Variants in TMC1 observed in about 807,000 individuals in gnomAD.
The protein encoded by TMC1 is transmembrane channel like 1.
In TMC1, 84 loss-of-function variants were observed where a neutral mutation model predicts 105.8. The observed-to-expected ratio is 0.79, with a 90% CI of 0.67 to 0.95. TMC1 has a LOEUF of 0.95. Ranked by LOEUF, TMC1 falls within the 40% of genes least tolerant of loss-of-function variation. The pLI is 0.00. For synonymous variants in TMC1, 315 were observed against 311.5 expected, an observed-to-expected ratio of 1.01 and a Z score of -0.12; for missense variants, 817 against 914.1, an observed-to-expected ratio of 0.89 and a Z score of 1.37.
chr9:72,713,682 G>T (rs1478082848), intron 8 of TMC1, among the ~76,000 whole-genome samples: 1 of 149,208 alleles, frequency 6.7e-6, no homozygotes, highest in Non-Finnish European at 1.5e-5. Context: ...TATTAGTCTG[G>T]CTAGTTGTTG....
chr9:72,793,098 G>T (rs1008946400), intron 17 of TMC1, among the ~76,000 whole-genome samples: 29 of 152,160 alleles, frequency 1.9e-4, no homozygotes, highest in South Asian at 4.1e-4. Context: ...CCGACACACA[G>T]AGCTATGTGG....
intron 5 of TMC1, among the ~76,000 whole-genome samples, chr9:72,652,864 T>C (rs916896190): frequency 6.6e-6 from 1 of 152,204 alleles, no homozygotes; most frequent in Non-Finnish European, 1.5e-5. Flanking sequence ...AAACTTTGAA[T>C]TGACATACAA....
rs746139922 is a variant in TMC1, at chr9:72,830,615, A to AT, written c.2209-10dup. 42 of 1,613,028 alleles carry AT rather than the reference A, an allele frequency of 2.6e-5. No individual in the cohort carries two copies. The highest frequency in any genetic ancestry group is 2.1e-5 in the Non-Finnish European group (25 of 1,179,488). ...CTGAGAAATCTACTTTTTTCCCCTT[A>AT]TTTTTTATTGTGTAGCAAGCTTTGG... On this transcript the variant is annotated splice_polypyrimidine_tract_variant and intron_variant, in intron 22 of 23. Transcript: ENST00000297784.
intron 12 of TMC1, among the ~76,000 whole-genome samples, chr9:72,762,849 G>T (rs1274045982): frequency 6.6e-6 from 1 of 152,052 alleles, no homozygotes; most frequent in African/African-American, 2.4e-5. Flanking sequence ...GTCCAGTGTG[G>T]GTCTCTTTGG....
At chr9:72,536,748 G>T (rs1474104268) in intron 1 of TMC1, among the ~76,000 whole-genome samples, 3 of 152,200 alleles carry the variant, frequency 2.0e-5, no homozygotes, top group Non-Finnish European at 4.4e-5. Context: ...CTTTGGCTTT[G>T]CTGGGTGCAG....
intron 5 of TMC1, among the ~76,000 whole-genome samples, chr9:72,685,153 C>A (rs1445457901): frequency 1.5e-5 from 2 of 135,270 alleles, no homozygotes; most frequent in African/African-American, 2.9e-5. Context: ...TTCGCCCAGG[C>A]CAGAGTGCAG....
intron 13 of TMC1, among the ~76,000 whole-genome samples, chr9:72,783,256 A>C (rs1204938133): frequency 6.6e-6 from 1 of 152,134 alleles, no homozygotes; most frequent in African/African-American, 2.4e-5. Flanking sequence ...GAAGAAGCCA[A>C]GAGTGGCTCA....
At chr9:72,672,318 T>C (rs1284469313) in intron 5 of TMC1, among the ~76,000 whole-genome samples, 1 of 152,180 alleles carries the variant, frequency 6.6e-6, no homozygotes. Flanking sequence ...ACTTTGTTTT[T>C]TTAATGAAAT....
intron 13 of TMC1, among the ~76,000 whole-genome samples, chr9:72,775,231 C>G (rs1316667537): frequency 6.6e-6 from 1 of 151,630 alleles, no homozygotes; most frequent in East Asian, 1.9e-4. Context: ...TTTCTTCTTC[C>G]TCCCTTCATT....
chr9:72,597,741 C>T (rs139572147), intron 2 of TMC1, among the ~76,000 whole-genome samples: 2 of 152,146 alleles, frequency 1.3e-5, no homozygotes, highest in African/African-American at 4.8e-5. Flanking sequence ...CAATAACAAC[C>T]GCGTACTAAT....
chr9:72,816,347 T>C, intron 19 of TMC1, 137 bp downstream of exon 19: 1 of 774,546 alleles, frequency 1.3e-6, no homozygotes, highest in Non-Finnish European at 2.2e-6. Flanking sequence ...AGTGGATGCC[T>C]GTATATAGTT....
intron 2 of TMC1, among the ~76,000 whole-genome samples, chr9:72,602,883 A>G (rs1824841935): frequency 6.6e-6 from 1 of 152,168 alleles, no homozygotes; most frequent in Admixed American, 6.5e-5. Flanking sequence ...AAACCTGCTG[A>G]CTCATAACAA....
chr9:72,598,389 C>T (rs559891134), intron 2 of TMC1, among the ~76,000 whole-genome samples: 6 of 152,090 alleles, frequency 3.9e-5, no homozygotes, highest in Non-Finnish European at 7.4e-5. Context: ...TCTCCTGTTC[C>T]TTGACCTTGG....
intron 12 of TMC1, 38 bp downstream of exon 12, chr9:72,754,922 G>A (rs1827648365): frequency 6.6e-7 from 1 of 1,515,452 alleles, no homozygotes; most frequent in South Asian, 1.1e-5. Flanking sequence ...TGGGAGGATG[G>A]ATTTTTATTT....
chr9:72,749,609 A>C (rs2118048391), intron 10 of TMC1, among the ~76,000 whole-genome samples: 1 of 152,258 alleles, frequency 6.6e-6, no homozygotes, highest in South Asian at 2.1e-4. Context: ...GTTGTGTATC[A>C]AAACCACACA....
At chr9:72,580,729 G>C (rs1824461299) in intron 2 of TMC1, among the ~76,000 whole-genome samples, 1 of 152,070 alleles carries the variant, frequency 6.6e-6, no homozygotes, top group South Asian at 2.1e-4. Context: ...AAACAAACAA[G>C]CAAACAAACA....
At chr9:72,798,562 C>G (rs548173262) in intron 17 of TMC1, among the ~76,000 whole-genome samples, 1 of 152,012 alleles carries the variant, frequency 6.6e-6, no homozygotes, top group East Asian at 1.9e-4. Flanking sequence ...AAAAATGGAT[C>G]TATTATCCTT....
rs574453206 is a variant in TMC1 at position 72,521,649 on chromosome 9, G to C, written c.-692G>C. 1 of 151,326 alleles carries C rather than the reference G, an allele frequency of 6.6e-6. No homozygotes were observed. The highest frequency in any genetic ancestry group is 1.5e-5 in the Non-Finnish European group (1 of 67,976). 9.4% of individuals were successfully genotyped at this position (151,326 alleles called of 1,614,324 possible). ...TTCCCATCTACTCAGAGGCTGAGGC[G>C]GGAGAATCGCTTGAACCCGGAAGGC... On this transcript the variant is annotated 5_prime_UTR_variant, in exon 1 of 24. Transcript: ENST00000297784.
chr9:72,667,144 G>C (rs1826056817), intron 5 of TMC1, among the ~76,000 whole-genome samples: 1 of 152,142 alleles, frequency 6.6e-6, no homozygotes, highest in Non-Finnish European at 1.5e-5. Context: ...TGACTGTTTT[G>C]AGGAAAATAA....
Sources: gnomAD v4.1 joint callset for allele counts (sites outside exome capture counted in the v4.1 genomes callset) on GRCh38, gnomAD v4.1.1 for gene constraint, MANE v1.5 for transcripts, NCBI Gene and HGNC (gene_info 2026-07-23, HGNC 2026-07-21) for gene names.